Variants in TMEM72 observed in about 807,000 individuals in gnomAD.
The protein encoded by TMEM72 is kidney-specific secretory protein of 37 kDa.
TMEM72 carries 9 observed loss-of-function variants against 16.3 expected under a neutral mutation model. The ratio of observed to expected loss-of-function variants is 0.55; its 90% confidence interval spans 0.33 to 0.96. TMEM72 has a LOEUF of 0.96. Ranked by LOEUF, TMEM72 falls within the 40% of genes least tolerant of loss-of-function variation. The probability of loss-of-function intolerance (pLI) is 0.03; values close to 1 mark genes in which losing one functional copy is unlikely to be tolerated. For synonymous variants in TMEM72, 160 were observed against 146.5 expected (o/e 1.09, Z -0.66); for missense variants, 324 against 337.8 (o/e 0.96, Z 0.32).
At chr10:44,913,781 T>A (rs952890363) in intron 1 of TMEM72, among the ~76,000 whole-genome samples, 2 of 152,246 alleles carry the variant, frequency 1.3e-5, no homozygotes, top group African/African-American at 4.8e-5. Flanking sequence ...AAATTCCTTA[T>A]TCTCCTAAGC....
intron 1 of TMEM72, among the ~76,000 whole-genome samples, chr10:44,917,791 C>A (rs1840034445): frequency 6.6e-6 from 1 of 152,150 alleles, no homozygotes; most frequent in Admixed American, 6.5e-5. Context: ...TTCTGGAAAC[C>A]TGCCATGTGG....
intron 1 of TMEM72, chr10:44,919,929 G>A (rs1840069148): frequency 6.6e-6 from 1 of 152,180 alleles, no homozygotes; most frequent in African/African-American, 2.4e-5. Flanking sequence ...CTACCTTACT[G>A]TCCCAGTGAA....
chr10:44,931,858 T>G, intron 2 of TMEM72, 140 bp from the exon 3 acceptor site: 1 of 794,398 alleles, frequency 1.3e-6, no homozygotes, highest in Admixed American at 2.4e-5. Context: ...AGACAGCCCG[T>G]GGTGAATGTT....
At chr10:44,934,366 C>A (rs765870247) in intron 4 of TMEM72, among the ~76,000 whole-genome samples, 18 of 152,212 alleles carry the variant, frequency 1.2e-4, no homozygotes, top group Non-Finnish European at 8.8e-5. Flanking sequence ...TGTGCCCCCT[C>A]CTCATGAACC....
chr10:44,916,552 T>C (rs1030478484), intron 1 of TMEM72, among the ~76,000 whole-genome samples: 1 of 152,192 alleles, frequency 6.6e-6, no homozygotes, highest in Admixed American at 6.5e-5. Context: ...GGGCCCTCCA[T>C]GCTAATTTTA....
intron 1 of TMEM72, among the ~76,000 whole-genome samples, chr10:44,925,428 C>A (rs1165067760): frequency 6.6e-6 from 1 of 152,230 alleles, no homozygotes; most frequent in Non-Finnish European, 1.5e-5. Flanking sequence ...GTAAGTGGAG[C>A]CCATGCCTGT....
chr10:44,931,864 A>G, intron 2 of TMEM72, 134 bp from the exon 3 acceptor site: 1 of 858,940 alleles, frequency 1.2e-6, no homozygotes, highest in Non-Finnish European at 1.8e-6. Context: ...CCCGTGGTGA[A>G]TGTTGTCTGG....
intron 3 of TMEM72, 31 bp downstream of exon 3, chr10:44,932,100 G>T (rs12414447): frequency 0.14 from 231,611 of 1,603,096 alleles, 18,132 homozygotes; most frequent in Middle Eastern, 0.21. Context: ...CCCCTCCATT[G>T]TCCACCCCAG....
rs916006271 is a variant in TMEM72 at position 44,936,891 on chromosome 10, G to A, written c.*1757G>A. The A allele has an allele frequency of 6.6e-6, 1 of 152,262 alleles. No individual in the cohort carries two copies. The highest frequency in any genetic ancestry group is 2.4e-5 in the African/African-American group (1 of 41,450). The allele number at this position is 152,262 out of a possible 1,614,324, so 9.4% of individuals were successfully genotyped here. ...GCCTCTGACGTTCCTCTGCATCAGA[G>A]TAGTTCTGTCCTCGAAGCCCCAGTC... On this transcript the variant is annotated 3_prime_UTR_variant, in exon 5 of 5. Transcript: ENST00000389583.
rs371052431 is a variant in TMEM72 at position 44,935,036 on chromosome 10, A to C, written c.730A>C (p.Ser244Arg). ...CGCCGAAGGTCTGGATGATGGGGAC[A>C]GTGAGCCAGAGGAGACCACCTCTGA... ...SLAEGLDDGD[S>R]EPEETTSDTT... Residue 244 changes from serine (S) to arginine (R), a missense_variant, in exon 5 of 5, where the codon AGT (serine) becomes CGT (arginine). By Grantham distance (110) the Ser-to-Arg change is moderately radical. Coordinates refer to ENST00000389583, the MANE Select transcript of TMEM72 (RefSeq NM_001123376.3). The C allele has an allele frequency of 6.2e-7, 1 of 1,613,954 alleles. No homozygotes were observed. The highest frequency in any genetic ancestry group is 1.3e-5 in the African/African-American group (1 of 75,040).
intron 1 of TMEM72, among the ~76,000 whole-genome samples, chr10:44,918,531 A>T (rs1840044718): frequency 6.6e-6 from 1 of 152,204 alleles, no homozygotes; most frequent in Non-Finnish European, 1.5e-5. Flanking sequence ...TTACAAGAAA[A>T]CTATAGACTA....
intron 1 of TMEM72, among the ~76,000 whole-genome samples, chr10:44,919,707 C>T (rs755926551): frequency 6.6e-6 from 1 of 152,164 alleles, no homozygotes; most frequent in Non-Finnish European, 1.5e-5. Flanking sequence ...TCAGTTCTCC[C>T]CCAAATTGCT....
At chr10:44,929,836 G>A (rs1840266033) in intron 2 of TMEM72, among the ~76,000 whole-genome samples, 1 of 152,232 alleles carries the variant, frequency 6.6e-6, no homozygotes. Flanking sequence ...ATTTCCACCT[G>A]CCCAATGCCT....
chr10:44,916,669 T>C (rs1316871059), intron 1 of TMEM72, among the ~76,000 whole-genome samples: 1 of 152,156 alleles, frequency 6.6e-6, no homozygotes, highest in Non-Finnish European at 1.5e-5. Flanking sequence ...CCACATTGTA[T>C]TTTCAGACCT....
intron 2 of TMEM72, chr10:44,931,793 C>A: frequency 1.7e-6 from 1 of 586,086 alleles, no homozygotes; most frequent in Non-Finnish European, 3.0e-6. Flanking sequence ...CATCTCTGAA[C>A]CCCAGACCCC....
Position 44,934,809 on chromosome 10 carries a change from C to G in TMEM72, c.503C>G (p.Thr168Ser). Residue 168 changes from threonine to serine, a missense_variant, in exon 5 of 5, where the codon ACC becomes AGC. Thr to Ser is a moderately conservative substitution (Grantham distance 58, BLOSUM62 1). Coordinates refer to ENST00000389583, the MANE Select transcript of TMEM72 (RefSeq NM_001123376.3). ...ACCGGCTCTGGGGACACAGAGCAAA[C>G]CTACACTTTCCATGGGGCCCTCAAG... ...STTGSGDTEQ[T>S]YTFHGALKEG... 1 of 1,613,664 alleles carries G rather than the reference C, an allele frequency of 6.2e-7. No individual in the cohort carries two copies. Among genetic ancestry groups the G allele is most frequent in the Non-Finnish European group, 8.5e-7 (1 of 1,180,018 alleles).
chr10:44,928,584 A>G (rs1176283592), intron 2 of TMEM72, among the ~76,000 whole-genome samples: 1 of 151,128 alleles, frequency 6.6e-6, no homozygotes, highest in Non-Finnish European at 1.5e-5. Flanking sequence ...CCAGCCACTC[A>G]TCTATCCATC....
At position 44,935,083 on chromosome 10, in the gene TMEM72, T is replaced by A. The variant is rs1840377092; in HGVS notation, c.777T>A (p.Pro259=). 6.2e-7 allele frequency: 1 copy of A among 1,611,320 alleles called. No individual in the cohort carries two copies. The highest frequency in any genetic ancestry group is 1.7e-5 in the Admixed American group (1 of 59,776). The change falls in exon 5 of 5, where the codon CCT becomes CCA. Residue 259 remains proline (P), a synonymous_variant. Coordinates refer to ENST00000389583, the MANE Select transcript of TMEM72 (RefSeq NM_001123376.3). ...CTGACACGACACCCATCATTCCCCC[T>A]CCCCAGGCCCCACTCTTCCTGTCAT... The part of the protein sequence containing the change: ...TTSDTTPIIP[P]PQAPLFLSSL...
At chr10:44,927,785 T>C (rs1422999208) in intron 1 of TMEM72, 136 bp from the exon 2 acceptor site, 3 of 776,534 alleles carry the variant, frequency 3.9e-6, no homozygotes, top group South Asian at 1.6e-5. Context: ...CAGCTGCCTG[T>C]ATCATGAAGA....
Sources: allele counts gnomAD v4.1 joint callset (sites outside exome capture counted in the v4.1 genomes callset), GRCh38; gene constraint gnomAD v4.1.1; transcripts MANE v1.5; gene names NCBI Gene and HGNC (gene_info 2026-07-23, HGNC 2026-07-21).